NPRL3: variants seen among roughly 807,000 people sequenced by gnomAD.
NPRL3 encodes NPR3 like, GATOR1 complex subunit.
In NPRL3, 23 loss-of-function variants were observed where a neutral mutation model predicts 57.2. The ratio of observed to expected loss-of-function variants is 0.40; its 90% CI spans 0.29 to 0.57. NPRL3 has a LOEUF of 0.57. Among genes scored for constraint, NPRL3 ranks in the 20% least tolerant of loss-of-function variants. The pLI is 0.42. For missense variants in NPRL3, 691 were observed against 767.1 expected (o/e 0.90, Z 1.17); for synonymous variants, 333 against 321.1 (o/e 1.04, Z -0.39).
At chr16:102,418 C>T (rs1899339768) in intron 7 of NPRL3, among the ~76,000 whole-genome samples, 1 of 152,168 alleles carries the variant, frequency 6.6e-6, no homozygotes, top group African/African-American at 2.4e-5. Flanking sequence ...TCAAAGTGGC[C>T]GGCACCTTCC....
intron 3 of NPRL3, 70 bp downstream of exon 3, chr16:130,452 G>A: frequency 7.0e-7 from 1 of 1,433,664 alleles, no homozygotes; most frequent in Non-Finnish European, 9.5e-7. Context: ...TGGGTGAATA[G>A]GAGGGTGGGG....
intron 1 of NPRL3, 25 bp from the exon 2 acceptor site, chr16:138,359 G>C (rs1332795540): frequency 1.9e-5 from 13 of 672,438 alleles, no homozygotes; most frequent in African/African-American, 6.2e-5. Context: ...GCCGGAGGCG[G>C]AGGGGGCCTG....
chr16:131,942 T>C (rs1358152544), intron 2 of NPRL3, among the ~76,000 whole-genome samples: 1 of 152,172 alleles, frequency 6.6e-6, no homozygotes, highest in East Asian at 1.9e-4. Context: ...CTGTTGTCAT[T>C]TTAACAATGT....
chr16:111,174 C>T lies in NPRL3; in HGVS notation c.548-568G>A, dbSNP rs563437514. ...CAGCACTTTGGGAGGCCGAGGCAGG[C>T]GGATCACAAGGTCAGGAGATCAAGA... On this transcript the variant is annotated intron_variant, in intron 6 of 13. Transcript: ENST00000611875. Among the ~76,000 whole-genome samples the T allele has an allele frequency of 3.4e-4, 52 of 151,964 alleles. 1 individual carries two copies. Among genetic ancestry groups the T allele is most frequent in the Non-Finnish European group, 7.1e-4 (48 of 67,974 alleles).
intron 9 of NPRL3, 141 bp from the exon 10 acceptor site, chr16:93,466 A>G (rs1380508912): frequency 9.5e-6 from 6 of 633,822 alleles, no homozygotes; most frequent in Non-Finnish European, 1.7e-5. Context: ...CCTGGTGGCT[A>G]TGGCCCGAGA....
intron 7 of NPRL3, among the ~76,000 whole-genome samples, chr16:106,629 TAAAAAAAAAAAAAAAAA>T (rs763058746): frequency 5.0e-5 from 3 of 60,052 alleles, no homozygotes; most frequent in Admixed American, 2.8e-4. Context: ...TGCCTTAAAT[TAAAAAAAAAAAAAAAAA>T]AAAAAAAAAA....
Position 106,911 on chromosome 16 carries a change from CGA to C in NPRL3, c.629+3612_629+3613del, listed in dbSNP as rs533674785. 1.4e-3 allele frequency among the ~76,000 whole-genome samples: 219 copies of C among 152,252 alleles called. 1 individual carries two copies. The highest frequency in any genetic ancestry group is 2.5e-3 in the Non-Finnish European group (167 of 68,018). On this transcript the variant is annotated intron_variant, in intron 7 of 13. Transcript: ENST00000611875. ...ATGGACCTGATGGGATGAGGACAGACGAGAGGCCACAGCCCAGAGGGGCTCCT... is the reference window on the plus strand; with the variant it reads ...ATGGACCTGATGGGATGAGGACAGACGAGGCCACAGCCCAGAGGGGCTCCT...
At chr16:93,590 A>T (rs1300581511) in intron 9 of NPRL3, among the ~76,000 whole-genome samples, 5 of 142,696 alleles carry the variant, frequency 3.5e-5, no homozygotes, top group African/African-American at 1.3e-4. Context: ...TTTTGGAGAC[A>T]GTCTTGCTCT....
At chr16:121,904 A>G (rs1280455208) in intron 3 of NPRL3, among the ~76,000 whole-genome samples, 4 of 151,286 alleles carry the variant, frequency 2.6e-5, no homozygotes, top group African/African-American at 9.7e-5. Context: ...CCTCCCGAGT[A>G]GCTGCGATTA....
At chr16:130,803 A>G (rs986994046) in intron 2 of NPRL3, among the ~76,000 whole-genome samples, 1 of 152,266 alleles carries the variant, frequency 6.6e-6, no homozygotes, top group African/African-American at 2.4e-5. Flanking sequence ...GTGCACTTAC[A>G]GTATATGAAA....
chr16:91,466 A>G (rs931746965), intron 11 of NPRL3, among the ~76,000 whole-genome samples: 3 of 152,250 alleles, frequency 2.0e-5, no homozygotes, highest in African/African-American at 4.8e-5. Context: ...CAAGGCCTGG[A>G]GCAACCACTC....
At chr16:131,689 T>C (rs1254477761) in intron 2 of NPRL3, among the ~76,000 whole-genome samples, 10 of 151,704 alleles carry the variant, frequency 6.6e-5, no homozygotes, top group East Asian at 1.9e-4. Context: ...TCAATGTTGA[T>C]GGCTGTTGAC....
intron 13 of NPRL3, among the ~76,000 whole-genome samples, chr16:87,336 G>A (rs918952444): frequency 2.0e-5 from 3 of 150,822 alleles, no homozygotes; most frequent in African/African-American, 4.9e-5. Context: ...AGATTCAAGC[G>A]ATTCTCCTGC....
chr16:88,329 C>T (rs943311659), intron 13 of NPRL3, among the ~76,000 whole-genome samples: 6 of 148,276 alleles, frequency 4.0e-5, no homozygotes, highest in Non-Finnish European at 7.4e-5. Context: ...TGCAGTGAGC[C>T]GAGATTGCGC....
intron 7 of NPRL3, among the ~76,000 whole-genome samples, chr16:102,742 C>T (rs1312054789): frequency 4.6e-5 from 7 of 152,302 alleles, no homozygotes; most frequent in South Asian, 2.1e-4. Context: ...AACGGCCCCT[C>T]GGACGTCTCT....
At chr16:121,835 C>T (rs78018924) in intron 3 of NPRL3, among the ~76,000 whole-genome samples, 48,276 of 151,610 alleles carry the variant, frequency 0.32, 8,169 homozygotes, top group East Asian at 0.52. Flanking sequence ...AGTGCAATGA[C>T]GTAATCTCGG....
At chr16:118,152 G>A (rs1900128248) in intron 4 of NPRL3, among the ~76,000 whole-genome samples, 1 of 152,200 alleles carries the variant, frequency 6.6e-6, no homozygotes, top group African/African-American at 2.4e-5. Flanking sequence ...TTCCATGGAG[G>A]TTCACGAATA....
intron 7 of NPRL3, among the ~76,000 whole-genome samples, chr16:109,159 C>T (rs1054368199): frequency 1.3e-5 from 2 of 151,872 alleles, no homozygotes; most frequent in Non-Finnish European, 2.9e-5. Flanking sequence ...TGTAGAAATG[C>T]GATCTCACAT....
chr16:129,033 G>A (rs759340005), intron 3 of NPRL3, among the ~76,000 whole-genome samples: 3 of 152,196 alleles, frequency 2.0e-5, no homozygotes, highest in Admixed American at 6.5e-5. Context: ...AGAGAAGCAT[G>A]CCCCTCCCAC....
Sources: allele counts gnomAD v4.1 joint callset (sites outside exome capture counted in the v4.1 genomes callset), GRCh38; gene constraint gnomAD v4.1.1; transcripts MANE v1.5; gene names NCBI Gene and HGNC (gene_info 2026-07-23, HGNC 2026-07-21).